The following MTCL1 variants were observed in gnomAD, a reference collection of about 807,000 sequenced individuals.
MTCL1 encodes the protein microtubule cross-linking factor 1.
In MTCL1, 79 loss-of-function variants were observed where a neutral mutation model predicts 141.4. The ratio of observed to expected loss-of-function variants is 0.56; its 90% confidence interval spans 0.47 to 0.67. MTCL1 has a LOEUF of 0.67. Ranked by LOEUF, MTCL1 falls within the 30% of genes least tolerant of loss-of-function variation. The pLI, the probability that MTCL1 is intolerant of heterozygous loss-of-function variation, is 0.00. For missense variants in MTCL1, 2,177 were observed against 2,113.9 expected (o/e 1.03, Z -0.59); for synonymous variants, 914 against 875.8 (o/e 1.04, Z -0.77).
In MTCL1 at chr18:8,785,899, G is replaced by GAAC. The variant is rs745876640; in HGVS notation, c.1732-25_1732-23dup. On this transcript the variant is annotated intron_variant, in intron 6 of 16. Coordinates refer to ENST00000359865, the Ensembl canonical transcript of MTCL1. ...TTGTTTTTTTGTTTAAAATTTTAAA[G>GAAC]AACAACAACAACAAATTCCTCCCGT... 2.0e-6 allele frequency: 3 copies of GAAC among 1,532,792 alleles called. No individual in the cohort carries two copies. In the South Asian group the frequency reaches 3.8e-5, roughly 20 times the overall value. The allele number at this position is 1,532,792 out of a possible 1,614,324, so 94.9% of individuals were successfully genotyped here.
At chr18:8,707,875 G>A (rs1221702887) in intron 1 of MTCL1, among the ~76,000 whole-genome samples, 2 of 152,206 alleles carry the variant, frequency 1.3e-5, no homozygotes, top group African/African-American at 4.8e-5. Context: ...TAACTGCTGG[G>A]TGATCTCAAG....
In MTCL1 at chr18:8,812,798, T is replaced by C. The variant is rs545196707; in HGVS notation, c.2605-181T>C. On this transcript the variant is annotated intron_variant, in intron 11 of 16. Coordinates refer to ENST00000359865, the Ensembl canonical transcript of MTCL1. ...TCAGTTTACTCACCGCTTAACATTC[T>C]TTGTGACTGTGTCAAACGCTCTTAA... The C allele has an allele frequency of 2.7e-5, 19 of 716,604 alleles. No homozygotes were observed. The East Asian group carries it at 4.3e-4, about 16-fold the overall frequency. The allele number at this position is 716,604 out of a possible 1,614,324, so 44.4% of individuals were successfully genotyped here. A position where few individuals can be genotyped will look rare whatever the true frequency, so the allele number is the denominator to read the frequency against.
chr18:8,785,447 C>T (rs542957599), intron 6 of MTCL1, among the ~76,000 whole-genome samples: 21 of 152,302 alleles, frequency 1.4e-4, no homozygotes, highest in Admixed American at 3.9e-4. Context: ...GCCCTGCCGC[C>T]GCTGGGGAGG....
chr18:8,795,525 C>A (rs898531703), intron 8 of MTCL1, among the ~76,000 whole-genome samples: 5 of 152,054 alleles, frequency 3.3e-5, no homozygotes, highest in African/African-American at 4.8e-5. Flanking sequence ...GTGTCTATAC[C>A]GGGGGTGTTT....
At chr18:8,818,689 C>A (rs1014394268) in intron 12 of MTCL1, among the ~76,000 whole-genome samples, 91 of 152,178 alleles carry the variant, frequency 6.0e-4, no homozygotes, top group African/African-American at 2.2e-3. Context: ...GAGTTATGTA[C>A]AATAACACAT....
chr18:8,771,431 A>T (rs2096484830), intron 4 of MTCL1, among the ~76,000 whole-genome samples: 2 of 152,202 alleles, frequency 1.3e-5, no homozygotes, highest in Admixed American at 1.3e-4. Flanking sequence ...AATAATAAGA[A>T]TCTGTAAGAA....
exon 1 of MTCL1, chr18:8,706,474 G>C: frequency 7.9e-7 from 1 of 1,265,018 alleles, no homozygotes. Flanking sequence ...GCTCCTCGCC[G>C]CGCCCCTCGC....
Position 8,830,441 on chromosome 18 carries a change from G to A in MTCL1, c.*19-1166G>A, listed in dbSNP as rs1299147939. ...TCTTCTGGAAGCCTGTGGCTCCCAC[G>A]CTGTCCTCGGGCCATGCTGTCTCTG... On this transcript the variant is annotated intron_variant, in intron 16 of 16. Transcript: ENST00000359865. The surrounding 1 kb of genome is among the most constrained non-coding windows in gnomAD (Gnocchi z 6.4). 7 of 985,378 alleles carry A rather than the reference G, an allele frequency of 7.1e-6. No homozygotes were observed. The highest frequency in any genetic ancestry group is 3.5e-5 in the African/African-American group (2 of 57,198). The allele number at this position is 985,378 out of a possible 1,614,324, so 61.0% of individuals were successfully genotyped here.
exon 15 of MTCL1, chr18:8,825,907 C>G: frequency 6.2e-7 from 1 of 1,611,256 alleles, no homozygotes; most frequent in Non-Finnish European, 8.5e-7. Flanking sequence ...GGGCTGCGGG[C>G]CGGCAGTCGG....
At chr18:8,782,630 C>G (rs945530662) in intron 5 of MTCL1, 1 of 152,218 alleles carries the variant, frequency 6.6e-6, no homozygotes, top group Non-Finnish European at 1.5e-5. Context: ...GGTTTTGATA[C>G]ACTTGACTCT....
rs557060478 is a variant in MTCL1, at chr18:8,792,606, G to A, written c.1888-392G>A. Among the ~76,000 whole-genome samples, 7 of 152,348 alleles carry A rather than the reference G, an allele frequency of 4.6e-5. No homozygotes were observed. The South Asian group carries it at 6.2e-4, about 14-fold the overall frequency. On this transcript the variant is annotated intron_variant, in intron 7 of 16. Coordinates refer to ENST00000359865, the Ensembl canonical transcript of MTCL1. The stretch of plus-strand genomic sequence containing the variant: ...TAGAGAAGGAATCCAAGAGGCTGAC[G>A]TGTAATAGGTGGTCATGCTTGCCTC...
At chr18:8,829,831 C>T (rs1189328769) in intron 16 of MTCL1, 3 of 985,120 alleles carry the variant, frequency 3.0e-6, no homozygotes, top group Non-Finnish European at 3.6e-6. Context: ...AGCGCAGCAT[C>T]GTTTGCTTGT....
intron 11 of MTCL1, among the ~76,000 whole-genome samples, chr18:8,807,925 G>C (rs1396258876): frequency 6.6e-6 from 1 of 151,138 alleles, no homozygotes; most frequent in Non-Finnish European, 1.5e-5. Flanking sequence ...GATTGGCCTG[G>C]TCATGAAAGG....
intron 7 of MTCL1, among the ~76,000 whole-genome samples, chr18:8,788,581 G>A (rs2075605372): frequency 6.6e-6 from 1 of 152,222 alleles, no homozygotes; most frequent in Admixed American, 6.5e-5. Context: ...ACTACTCATA[G>A]TTGTACCAGC....
In MTCL1 at chr18:8,768,788, T is replaced by C. The variant is rs113207241; in HGVS notation, c.358-9045T>C. On this transcript the variant is annotated intron_variant, in intron 4 of 16. Coordinates refer to ENST00000359865, the Ensembl canonical transcript of MTCL1. ...GAGGTGGGAACAGATTCTTTTCTTC[T>C]CTTTTTTTTTTTTTTTTTTTTGAGA... Among the ~76,000 whole-genome samples, 259 of 130,916 alleles carry C rather than the reference T, an allele frequency of 2.0e-3. 1 individual carries two copies. The highest frequency in any genetic ancestry group is 8.9e-3 in the African/African-American group (249 of 27,942). 85.9% of individuals were successfully genotyped at this position (130,916 alleles called of 152,430 possible).
chr18:8,716,058 GA>G (rs1327683361), upstream of MTCL1, among the ~76,000 whole-genome samples: 1 of 152,110 alleles, frequency 6.6e-6, no homozygotes, highest in Non-Finnish European at 1.5e-5. Flanking sequence ...TTCCATGGAG[GA>G]AAAAAGAAAT....
At chr18:8,825,204 G>C in exon 15 of MTCL1, 1 of 1,593,712 alleles carries the variant, frequency 6.3e-7, no homozygotes, top group Non-Finnish European at 8.5e-7. Flanking sequence ...AGGCCCTCCA[G>C]AACCCATGCT....
intron 4 of MTCL1, among the ~76,000 whole-genome samples, chr18:8,727,997 CAT>C (rs905104253): frequency 6.6e-6 from 1 of 151,606 alleles, no homozygotes; most frequent in Non-Finnish European, 1.5e-5. Context: ...TGATCACTCA[CAT>C]GTTTAACATG....
chr18:8,812,933 C>A (rs1250432047), intron 11 of MTCL1, 46 bp from the exon 11 acceptor site: 1 of 1,574,060 alleles, frequency 6.4e-7, no homozygotes, highest in African/African-American at 1.4e-5. Context: ...TCCTTGAATG[C>A]AAGACTTGTC....
Sources: allele counts gnomAD v4.1 joint callset (sites outside exome capture counted in the v4.1 genomes callset), GRCh38; gene constraint gnomAD v4.1.1; non-coding constraint Gnocchi (gnomAD v3.1); transcripts MANE v1.5; gene names NCBI Gene and HGNC (gene_info 2026-07-23, HGNC 2026-07-21).